The following ZNF385D variants were observed in gnomAD, a reference collection of about 807,000 sequenced individuals.
ZNF385D encodes zinc finger protein 385D.
ZNF385D carries 15 observed loss-of-function variants against 35.8 expected under a neutral mutation model. The ratio of observed to expected loss-of-function variants is 0.42; its 90% CI spans 0.28 to 0.64. The LOEUF (loss-of-function observed/expected upper bound fraction) is 0.64. Ranked by LOEUF, ZNF385D falls within the 30% of genes least tolerant of loss-of-function variation. The pLI, the probability that ZNF385D is intolerant of heterozygous loss-of-function variation, is 0.23. For missense variants in ZNF385D, 474 were observed against 494.6 expected (o/e 0.96, Z 0.39); for synonymous variants, 212 against 186.8 (o/e 1.13, Z -1.10).
At chr3:21,811,433 T>A (rs1213187951) in intron 3 of ZNF385D, among the ~76,000 whole-genome samples, 1 of 152,118 alleles carries the variant, frequency 6.6e-6, no homozygotes, top group Non-Finnish European at 1.5e-5. Context: ...AGAAAGTTTT[T>A]CTACTTCCCA....
At chr3:21,989,605 G>C (rs560637006) in intron 3 of ZNF385D, among the ~76,000 whole-genome samples, 1 of 152,058 alleles carries the variant, frequency 6.6e-6, no homozygotes, top group African/African-American at 2.4e-5. Context: ...AATACCAAAA[G>C]CTATTTTATT....
At chr3:22,366,047 AT>A (rs2125520305) in intron 2 of ZNF385D, among the ~76,000 whole-genome samples, 1 of 151,980 alleles carries the variant, frequency 6.6e-6, no homozygotes, top group Non-Finnish European at 1.5e-5. Flanking sequence ...TTTTTTTAAT[AT>A]TTTTTAAGCT....
At chr3:21,921,606 T>C (rs908481482) in intron 3 of ZNF385D, among the ~76,000 whole-genome samples, 27 of 151,982 alleles carry the variant, frequency 1.8e-4, no homozygotes, top group African/African-American at 5.1e-4. Context: ...ATTATGAAAA[T>C]GCAGTAGATG....
chr3:21,916,520 A>G (rs1700199790), intron 3 of ZNF385D, among the ~76,000 whole-genome samples: 1 of 152,226 alleles, frequency 6.6e-6, no homozygotes, highest in Non-Finnish European at 1.5e-5. Flanking sequence ...TCTATACCCC[A>G]AAGTCACTAT....
chr3:21,998,729 C>G (rs1203666524), intron 3 of ZNF385D, among the ~76,000 whole-genome samples: 1 of 152,130 alleles, frequency 6.6e-6, no homozygotes, highest in Non-Finnish European at 1.5e-5. Flanking sequence ...TTAATGTAAT[C>G]AGTTTTCTTT....
rs553184798 is a variant in ZNF385D, at chr3:21,538,021, T to C, written c.276+26553A>G. On this transcript the variant is annotated intron_variant, in intron 3 of 7. Coordinates refer to ENST00000281523, the MANE Select transcript of ZNF385D (RefSeq NM_024697.3). ...TCAGATTCTGGATATATTTTGGAGG[T>C]ATATGTAACATTCTGTAAGATTGAA... is the stretch of plus-strand genomic sequence containing the variant. 2.0e-4 allele frequency among the ~76,000 whole-genome samples: 31 copies of C among 152,026 alleles called. No homozygotes were observed. In the South Asian group the frequency reaches 6.6e-3, roughly 32 times the overall value.
intron 2 of ZNF385D, among the ~76,000 whole-genome samples, chr3:22,190,053 C>T (rs545822376): frequency 1.3e-5 from 2 of 152,184 alleles, no homozygotes; most frequent in African/African-American, 4.8e-5. Flanking sequence ...TTAAATTCAA[C>T]AATAAAAATG....
chr3:21,798,334 C>T (rs975177484), intron 3 of ZNF385D, among the ~76,000 whole-genome samples: 17 of 152,146 alleles, frequency 1.1e-4, no homozygotes, highest in African/African-American at 2.2e-4. Flanking sequence ...GGACCCTTTT[C>T]GAAGTTCACT....
intron 3 of ZNF385D, among the ~76,000 whole-genome samples, chr3:21,564,040 G>T (rs367646684): frequency 6.6e-6 from 1 of 152,150 alleles, no homozygotes; most frequent in Non-Finnish European, 1.5e-5. Context: ...TTTGGGGCTT[G>T]AGTGGTTCTA....
intron 3 of ZNF385D, among the ~76,000 whole-genome samples, chr3:22,124,743 CT>C (rs1255460273): frequency 6.6e-6 from 1 of 152,120 alleles, no homozygotes; most frequent in Non-Finnish European, 1.5e-5. Flanking sequence ...TTCAGATCTT[CT>C]GTCCACTTTT....
chr3:21,902,971 T>C (rs1699486399), intron 3 of ZNF385D, among the ~76,000 whole-genome samples: 1 of 152,152 alleles, frequency 6.6e-6, no homozygotes, highest in Admixed American at 6.6e-5. Flanking sequence ...TACAGACCTG[T>C]TTCTGTCATC....
At chr3:21,487,212 C>A (rs1425740523) in intron 4 of ZNF385D, among the ~76,000 whole-genome samples, 1 of 152,062 alleles carries the variant, frequency 6.6e-6, no homozygotes, top group Non-Finnish European at 1.5e-5. Flanking sequence ...AGGAAAAATG[C>A]CTCCAGTGTT....
intron 3 of ZNF385D, among the ~76,000 whole-genome samples, chr3:22,163,133 A>G (rs1246827401): frequency 6.6e-5 from 10 of 152,080 alleles, no homozygotes; most frequent in Non-Finnish European, 1.0e-4. Context: ...CTGCTATAAG[A>G]GAAGGAACGA....
chr3:21,435,381 C>A (rs1255319899), intron 5 of ZNF385D, among the ~76,000 whole-genome samples: 1 of 151,424 alleles, frequency 6.6e-6, no homozygotes, highest in Non-Finnish European at 1.5e-5. Flanking sequence ...CCTCAGCCTG[C>A]TGAGTAGCTG....
intron 3 of ZNF385D, among the ~76,000 whole-genome samples, chr3:22,018,235 ATG>A (rs1553720761): frequency 1.3e-5 from 2 of 149,742 alleles, no homozygotes; most frequent in Admixed American, 6.6e-5. Context: ...TAAGAGGGAT[ATG>A]TGTTTTTTTT....
At chr3:22,007,469 A>T (rs1696282516) in intron 3 of ZNF385D, among the ~76,000 whole-genome samples, 1 of 152,216 alleles carries the variant, frequency 6.6e-6, no homozygotes, top group African/African-American at 2.4e-5. Flanking sequence ...TAAGTTGTTT[A>T]GTATGTGTGG....
exon 2 of ZNF385D, chr3:22,372,589 G>A: frequency 1.0e-6 from 1 of 956,858 alleles, no homozygotes; most frequent in African/African-American, 1.8e-5. Context: ...TGGCTGTCCC[G>A]GGAGACGCAC....
chr3:21,886,791 C>T (rs1698570177), intron 3 of ZNF385D, among the ~76,000 whole-genome samples: 1 of 152,044 alleles, frequency 6.6e-6, no homozygotes, highest in Non-Finnish European at 1.5e-5. Context: ...ATAAGAAAAT[C>T]TAATAAAGAG....
At chr3:21,697,524 C>T (rs2125368368) in intron 1 of ZNF385D, among the ~76,000 whole-genome samples, 1 of 152,098 alleles carries the variant, frequency 6.6e-6, no homozygotes, top group African/African-American at 2.4e-5. Context: ...TCCTATATGG[C>T]TATTGAATAC....
Sources: gnomAD v4.1 joint callset for allele counts (sites outside exome capture counted in the v4.1 genomes callset) on GRCh38, gnomAD v4.1.1 for gene constraint, MANE v1.5 for transcripts, NCBI Gene and HGNC (gene_info 2026-07-23, HGNC 2026-07-21) for gene names.